Variants in TMTC2 observed in about 807,000 individuals in gnomAD.
TMTC2 encodes protein O-mannosyl-transferase TMTC2.
In TMTC2, 43 loss-of-function variants were observed where a neutral mutation model predicts 82.4. That is an observed-to-expected ratio of 0.52 (90% confidence interval 0.41 to 0.67). The LOEUF (loss-of-function observed/expected upper bound fraction) is 0.67, where lower values mean the gene tolerates loss of function less well. TMTC2 is among the 30% of genes least tolerant of loss of function. The pLI is 0.00. For missense variants in TMTC2, 919 were observed against 1,012.4 expected (o/e 0.91, Z 1.25); for synonymous variants, 408 against 381.9 (o/e 1.07, Z -0.80).
chr12:83,039,341 A>C (rs1312465053), intron 9 of TMTC2, among the ~76,000 whole-genome samples: 1 of 152,208 alleles, frequency 6.6e-6, no homozygotes, highest in Non-Finnish European at 1.5e-5. Context: ...CTTTCAAGAC[A>C]TAAAACTTAA....
chr12:82,951,889 T>C (rs1196149109), intron 4 of TMTC2, among the ~76,000 whole-genome samples: 2 of 152,126 alleles, frequency 1.3e-5, no homozygotes, highest in African/African-American at 4.8e-5. Context: ...TTAACATAGT[T>C]TAATTAAGGA....
chr12:83,111,415 T>G (rs1035098779), intron 11 of TMTC2, among the ~76,000 whole-genome samples: 2 of 152,216 alleles, frequency 1.3e-5, no homozygotes, highest in Non-Finnish European at 2.9e-5. Context: ...TGATCAAGTG[T>G]GGTTATGTTC....
intron 10 of TMTC2, among the ~76,000 whole-genome samples, chr12:83,051,237 C>G (rs1391237492): frequency 1.3e-5 from 2 of 152,140 alleles, no homozygotes; most frequent in African/African-American, 4.8e-5. Flanking sequence ...GCTTTGAATG[C>G]ATTCCAATGC....
intron 7 of TMTC2, among the ~76,000 whole-genome samples, chr12:82,980,509 C>T (rs1250993104): frequency 1.3e-5 from 2 of 151,766 alleles, no homozygotes; most frequent in South Asian, 2.1e-4. Flanking sequence ...CTAAAATTAG[C>T]AGTACTGGCA....
chr12:82,710,569 C>A (rs920852222), intron 1 of TMTC2, among the ~76,000 whole-genome samples: 1 of 152,114 alleles, frequency 6.6e-6, no homozygotes, highest in Non-Finnish European at 1.5e-5. Context: ...AAATTATGAT[C>A]ATTACGAACA....
intron 2 of TMTC2, among the ~76,000 whole-genome samples, chr12:82,894,213 T>C (rs893148182): frequency 3.9e-5 from 6 of 152,178 alleles, no homozygotes; most frequent in African/African-American, 1.4e-4. Context: ...AATAATTGCC[T>C]ATGGAGGTGA....
chr12:82,851,618 A>C (rs1355692358), intron 1 of TMTC2, among the ~76,000 whole-genome samples: 1 of 152,198 alleles, frequency 6.6e-6, no homozygotes, highest in Non-Finnish European at 1.5e-5. Context: ...TTGGCTACAC[A>C]ATGGATTTTC....
At chr12:82,701,921 A>G (rs1168499134) in intron 1 of TMTC2, among the ~76,000 whole-genome samples, 1 of 152,112 alleles carries the variant, frequency 6.6e-6, no homozygotes, top group African/African-American at 2.4e-5. Flanking sequence ...TCCTTGAAAG[A>G]GAAAGATTTT....
intron 1 of TMTC2, among the ~76,000 whole-genome samples, chr12:82,798,555 C>T (rs1878839930): frequency 6.6e-6 from 1 of 150,568 alleles, no homozygotes; most frequent in African/African-American, 2.4e-5. Flanking sequence ...CCTGTAATCC[C>T]AGCGCTTTGG....
chr12:82,737,399 T>C (rs960720058), intron 1 of TMTC2, among the ~76,000 whole-genome samples: 16 of 152,174 alleles, frequency 1.1e-4, no homozygotes, highest in Non-Finnish European at 1.5e-5. Context: ...CAGCACTGTT[T>C]AGAAATGAAT....
chr12:83,093,394 T>C (rs1178005012), intron 11 of TMTC2, among the ~76,000 whole-genome samples: 1 of 152,178 alleles, frequency 6.6e-6, no homozygotes, highest in Non-Finnish European at 1.5e-5. Context: ...TTCTAGACTT[T>C]TCCGTTTCTT....
At chr12:82,789,560 A>G (rs369453968) in intron 1 of TMTC2, among the ~76,000 whole-genome samples, 9 of 152,178 alleles carry the variant, frequency 5.9e-5, no homozygotes, top group Non-Finnish European at 1.3e-4. Context: ...TAAATTATAT[A>G]GAAATATAGA....
intron 10 of TMTC2, among the ~76,000 whole-genome samples, chr12:83,055,541 C>T (rs917229636): frequency 6.6e-6 from 1 of 151,958 alleles, no homozygotes; most frequent in African/African-American, 2.4e-5. Flanking sequence ...ACTATTGAAT[C>T]ATTTATTCTA....
intron 4 of TMTC2, among the ~76,000 whole-genome samples, chr12:82,945,611 A>G (rs567923082): frequency 2.0e-5 from 3 of 152,344 alleles, no homozygotes; most frequent in Admixed American, 6.5e-5. Flanking sequence ...TTTCAAGTAA[A>G]TTAATTTCAA....
chr12:82,791,977 T>G (rs1878491086), intron 1 of TMTC2, among the ~76,000 whole-genome samples: 1 of 152,148 alleles, frequency 6.6e-6, no homozygotes. Flanking sequence ...TGACGTATAC[T>G]TCCCTGCCCC....
At chr12:82,917,536 A>C (rs924051898) in intron 3 of TMTC2, among the ~76,000 whole-genome samples, 6 of 152,092 alleles carry the variant, frequency 3.9e-5, no homozygotes, top group Admixed American at 3.3e-4. Context: ...ATTTGTTATG[A>C]GGATTAGGAG....
At chr12:82,840,488 AATTT>A (rs757638055) in intron 1 of TMTC2, among the ~76,000 whole-genome samples, 18 of 152,228 alleles carry the variant, frequency 1.2e-4, no homozygotes, top group Admixed American at 7.9e-4. Flanking sequence ...ATGCCTTGTG[AATTT>A]ATTTAATTAG....
chr12:82,715,372 T>TC (rs1873849798), intron 1 of TMTC2, among the ~76,000 whole-genome samples: 1 of 151,946 alleles, frequency 6.6e-6, no homozygotes, highest in Non-Finnish European at 1.5e-5. Flanking sequence ...GATATGGATG[T>TC]TTATATCCCC....
At chr12:82,845,252 A>AATATATATATATATATATATAT (rs1555190263) in intron 1 of TMTC2, among the ~76,000 whole-genome samples, 2 of 38,808 alleles carry the variant, frequency 5.2e-5, no homozygotes, top group African/African-American at 2.0e-4. Flanking sequence ...AAAAAAAAAA[A>AATATATATATATATATATATAT]ATATATATAT....
Sources: gnomAD v4.1 joint callset for allele counts (sites outside exome capture counted in the v4.1 genomes callset) on GRCh38, gnomAD v4.1.1 for gene constraint, MANE v1.5 for transcripts, NCBI Gene and HGNC (gene_info 2026-07-23, HGNC 2026-07-21) for gene names.